The following ALMS1 variants were observed in gnomAD, a reference collection of about 807,000 sequenced individuals.
ALMS1 encodes the protein ALMS1 centrosome and basal body associated protein, also known as centrosome-associated protein ALMS1.
A neutral mutation model predicts 352.2 loss-of-function variants in ALMS1; 271 were observed. The ratio of observed to expected loss-of-function variants is 0.77; its 90% CI spans 0.70 to 0.85. ALMS1 has a LOEUF of 0.85. Ranked by LOEUF, ALMS1 falls within the 40% of genes least tolerant of loss-of-function variation. ALMS1 has a pLI of 0.00. For missense variants in ALMS1, 5,445 were observed against 4,870.7 expected (o/e 1.12, Z -3.51); for synonymous variants, 1,865 against 1,761.2 (o/e 1.06, Z -1.48).
chr2:73,502,900 T>C (rs1673245676), intron 10 of ALMS1, among the ~76,000 whole-genome samples: 2 of 152,100 alleles, frequency 1.3e-5, no homozygotes, highest in South Asian at 4.1e-4. Context: ...ACAAGGAACT[T>C]CTCTTTCTCC....
At chr2:73,587,988 A>G (rs1054567083) in intron 16 of ALMS1, among the ~76,000 whole-genome samples, 4 of 152,210 alleles carry the variant, frequency 2.6e-5, no homozygotes, top group African/African-American at 9.6e-5. Context: ...GGAACTCCGA[A>G]CAGACCAATA....
intron 16 of ALMS1, among the ~76,000 whole-genome samples, chr2:73,595,430 T>G (rs1675525238): frequency 6.6e-6 from 1 of 152,220 alleles, no homozygotes; most frequent in Admixed American, 6.5e-5. Flanking sequence ...CTTTTTTTGT[T>G]AACATCATGA....
In ALMS1 at chr2:73,450,994, C is replaced by T; in HGVS notation, c.4467C>T (p.Ala1489=). The T allele has an allele frequency of 6.2e-7, 1 of 1,613,902 alleles. No individual in the cohort carries two copies. Among genetic ancestry groups the T allele is most frequent in the Non-Finnish European group, 8.5e-7 (1 of 1,179,940 alleles). The change falls in exon 8 of 23, where the codon GCC becomes GCT. Residue 1489 remains alanine (A), a synonymous_variant. Transcript: ENST00000613296. The part of the protein sequence containing the change: ...GEKPIVIYKQ[A]FPEGHLPEES... Reference sequence around the variant, plus strand: ...AGCCCATTGTTATCTACAAACAGGCCTTTCCAGAGGGTCATCTACCTGAAG... The same window carrying T: ...AGCCCATTGTTATCTACAAACAGGCTTTTCCAGAGGGTCATCTACCTGAAG...
chr2:73,457,518 C>G (rs1353141813), intron 9 of ALMS1, among the ~76,000 whole-genome samples: 1 of 152,128 alleles, frequency 6.6e-6, no homozygotes, highest in African/African-American at 2.4e-5. Flanking sequence ...GCTGGGATTA[C>G]AGGCCATTAC....
chr2:73,418,888 A>G (rs550343507), intron 2 of ALMS1, among the ~76,000 whole-genome samples: 1 of 152,322 alleles, frequency 6.6e-6, no homozygotes, highest in Non-Finnish European at 1.5e-5. Context: ...AGCGGCGTAC[A>G]ATACAACTTA....
chr2:73,456,494 C>G (rs1023371932), intron 9 of ALMS1, among the ~76,000 whole-genome samples: 1 of 152,090 alleles, frequency 6.6e-6, no homozygotes, highest in Non-Finnish European at 1.5e-5. Context: ...CTATAAAATG[C>G]TTAGTAGAAC....
chr2:73,531,841 A>G (rs757052141), intron 11 of ALMS1, among the ~76,000 whole-genome samples: 2 of 152,248 alleles, frequency 1.3e-5, no homozygotes. Context: ...AAGAGAGCTC[A>G]GGGGAAACTG....
intron 9 of ALMS1, among the ~76,000 whole-genome samples, chr2:73,472,444 G>C (rs1672487211): frequency 3.9e-5 from 6 of 151,970 alleles, no homozygotes; most frequent in Admixed American, 3.9e-4. Context: ...TTTGCAATCA[G>C]CATAATCAAA....
rs201471551 is a variant in ALMS1 at position 73,424,911 on chromosome 2, C to T, written c.1237+9C>T. 6.3e-6 allele frequency: 10 copies of T among 1,581,148 alleles called. No individual in the cohort carries two copies. In the Admixed American group the frequency reaches 1.8e-4, roughly 28 times the overall value. On this transcript the variant is annotated intron_variant, in intron 5 of 22. Coordinates refer to ENST00000613296, the MANE Select transcript of ALMS1 (RefSeq NM_001378454.1). The stretch of plus-strand genomic sequence containing the variant: ...AGAAACATATTTAACCAGTAAGTAC[C>T]CTGATTCTTTTTCAGATTCATCTGA...
At chr2:73,501,614 G>GT (rs1673219416) in intron 10 of ALMS1, among the ~76,000 whole-genome samples, 1 of 152,018 alleles carries the variant, frequency 6.6e-6, no homozygotes, top group African/African-American at 2.4e-5. Flanking sequence ...CCTTATATGT[G>GT]TAAGTTTTAG....
intron 21 of ALMS1, among the ~76,000 whole-genome samples, chr2:73,607,763 C>T (rs941911454): frequency 3.9e-5 from 6 of 152,066 alleles, no homozygotes; most frequent in African/African-American, 1.4e-4. Flanking sequence ...CCTGCCTCAG[C>T]CTCCTGAGTA....
chr2:73,583,875 T>G (rs1675252903), intron 16 of ALMS1, among the ~76,000 whole-genome samples: 2 of 152,212 alleles, frequency 1.3e-5, no homozygotes, highest in Admixed American at 1.3e-4. Context: ...CTATTTTGAT[T>G]ACTGTTCCTC....
intron 10 of ALMS1, among the ~76,000 whole-genome samples, chr2:73,499,670 T>A: frequency 6.6e-6 from 1 of 152,132 alleles, no homozygotes; most frequent in Non-Finnish European, 1.5e-5. Flanking sequence ...CCCATGTGAT[T>A]TAGTTTTTAT....
At position 73,424,559 on chromosome 2, in the gene ALMS1, C is replaced by A; in HGVS notation, c.894C>A (p.His298Gln). The stretch of plus-strand genomic sequence containing the variant: ...GCAGTCGCTTTAGTGTATCTCAGCA[C>A]CCGCTTATAGGCAGCACAGCTGTTG... The part of the protein sequence containing the change: ...LASSRFSVSQ[H>Q]PLIGSTAVGS... The change falls in exon 5 of 23, where the codon CAC becomes CAA. Residue 298 changes from histidine (H) to glutamine (Q), a missense_variant. Coordinates refer to ENST00000613296, the MANE Select transcript of ALMS1 (RefSeq NM_001378454.1). 6.2e-7 allele frequency: 1 copy of A among 1,613,904 alleles called. No homozygotes were observed. The highest frequency in any genetic ancestry group is 1.3e-5 in the African/African-American group (1 of 75,024).
intron 9 of ALMS1, chr2:73,457,323 C>G (rs1475248706): frequency 6.6e-6 from 1 of 152,152 alleles, no homozygotes. Flanking sequence ...CTTCTACATC[C>G]CAGGTTCAAG....
At chr2:73,387,197 T>C (rs1161191184) in intron 1 of ALMS1, among the ~76,000 whole-genome samples, 1 of 152,132 alleles carries the variant, frequency 6.6e-6, no homozygotes, top group Non-Finnish European at 1.5e-5. Context: ...TTCCAGGGGG[T>C]ACTTAATTCA....
intron 10 of ALMS1, among the ~76,000 whole-genome samples, chr2:73,516,616 T>C (rs957772372): frequency 1.3e-5 from 2 of 152,256 alleles, no homozygotes; most frequent in Admixed American, 6.5e-5. Context: ...CAGTTGAGGC[T>C]TTCAGGTGTT....
chr2:73,519,002 G>C (rs1309182058), intron 10 of ALMS1, among the ~76,000 whole-genome samples: 1 of 152,138 alleles, frequency 6.6e-6, no homozygotes, highest in African/African-American at 2.4e-5. Flanking sequence ...GCCTGTTTCT[G>C]TGTCTGGAAT....
At chr2:73,558,843 C>A in intron 14 of ALMS1, 129 bp from the exon 15 acceptor site, 2 of 1,007,778 alleles carry the variant, frequency 2.0e-6, no homozygotes, top group Non-Finnish European at 2.9e-6. Flanking sequence ...TTTCTAAACG[C>A]ATTTCTGAGT....
Sources: gnomAD v4.1 joint callset for allele counts (sites outside exome capture counted in the v4.1 genomes callset) on GRCh38, gnomAD v4.1.1 for gene constraint, MANE v1.5 for transcripts, NCBI Gene and HGNC (gene_info 2026-07-23, HGNC 2026-07-21) for gene names.